KIF21A: variants seen among roughly 807,000 people sequenced by gnomAD.
KIF21A encodes the protein kinesin-like protein KIF21A.
In KIF21A, 114 loss-of-function variants were observed where a neutral mutation model predicts 202.9. That is an observed-to-expected ratio of 0.56 (90% CI 0.48 to 0.66). KIF21A has a LOEUF of 0.66. Among genes scored for constraint, KIF21A ranks in the 30% least tolerant of loss-of-function variants. KIF21A has a pLI of 0.00. For missense variants in KIF21A, 1,677 were observed against 1,994.9 expected, an observed-to-expected ratio of 0.84 and a Z score of 3.04; for synonymous variants, 667 against 670.8, an observed-to-expected ratio of 0.99 and a Z score of 0.09.
intron 1 of KIF21A, among the ~76,000 whole-genome samples, chr12:39,424,255 A>G (rs1954573064): frequency 1.3e-5 from 2 of 152,118 alleles, no homozygotes; most frequent in Non-Finnish European, 2.9e-5. Flanking sequence ...AACTTTTAGG[A>G]CAACATACTC....
intron 33 of KIF21A, 40 bp downstream of exon 33, chr12:39,309,546 G>T: frequency 1.4e-6 from 2 of 1,380,764 alleles, no homozygotes; most frequent in Non-Finnish European, 1.0e-6. Context: ...AAAAAGAAGA[G>T]CTATTCCTCC....
At chr12:39,378,382 AG>A (rs1353066026) in intron 1 of KIF21A, among the ~76,000 whole-genome samples, 5 of 152,216 alleles carry the variant, frequency 3.3e-5, no homozygotes, top group African/African-American at 1.2e-4. Flanking sequence ...GACAAAATAA[AG>A]AAAAAAAATA....
rs202186899 is a variant in KIF21A at position 39,360,209 on chromosome 12, TA to T, written c.1020-1837del. ...AAACTCAAAGAAAATAAAATAAAGC[TA>T]AAAAAAAGCTATTTATTTTAAAAGT... On this transcript the variant is annotated intron_variant, in intron 7 of 37. Coordinates refer to ENST00000361418, the MANE Select transcript of KIF21A (RefSeq NM_001173464.2). Among the ~76,000 whole-genome samples, 951 of 151,620 alleles carry T rather than the reference TA, an allele frequency of 6.3e-3. 12 individuals are homozygous for T. Among genetic ancestry groups the T allele is most frequent in the African/African-American group, 0.021 (864 of 41,358 alleles).
At chr12:39,318,248 A>T (rs1469106035) in intron 28 of KIF21A, 47 bp from the exon 29 acceptor site, 1 of 1,584,786 alleles carries the variant, frequency 6.3e-7, no homozygotes, top group Non-Finnish European at 8.7e-7. Context: ...ATTGGTTATG[A>T]TTTGTTAGAA....
chr12:39,338,220 GT>G, intron 16 of KIF21A, among the ~76,000 whole-genome samples: 1 of 151,996 alleles, frequency 6.6e-6, no homozygotes. Flanking sequence ...GCATGTTTGT[GT>G]TTTAGTTTTA....
chr12:39,414,188 A>G (rs1953345882), intron 1 of KIF21A, among the ~76,000 whole-genome samples: 1 of 152,210 alleles, frequency 6.6e-6, no homozygotes, highest in African/African-American at 2.4e-5. Context: ...AATTAGGCAT[A>G]ATTATTCTTG....
intron 2 of KIF21A, 64 bp from the exon 3 acceptor site, chr12:39,369,975 A>G (rs1949845661): frequency 1.9e-6 from 3 of 1,591,894 alleles, no homozygotes; most frequent in Non-Finnish European, 2.6e-6. Context: ...AACAAAAATG[A>G]AAGCGCAACT....
At chr12:39,369,958 C>T (rs938549461) in intron 2 of KIF21A, 47 bp from the exon 3 acceptor site, 1 of 1,597,682 alleles carries the variant, frequency 6.3e-7, no homozygotes, top group African/African-American at 1.3e-5. Flanking sequence ...TTAACATAAC[C>T]TTAAGAAACA....
rs903272628 is a variant in KIF21A, at chr12:39,396,880, G to C, written c.45-26619C>G. ...TCCAACACTGCTCTGCAATAAAAAG[G>C]AATAAACTACTGACACATGCCACAA... On this transcript the variant is annotated intron_variant, in intron 1 of 37. Coordinates refer to ENST00000361418, the MANE Select transcript of KIF21A (RefSeq NM_001173464.2). 2.0e-5 allele frequency among the ~76,000 whole-genome samples: 3 copies of C among 152,110 alleles called. No individual in the cohort carries two copies. The East Asian group carries it at 5.8e-4, about 29-fold the overall frequency.
chr12:39,297,421 C>G (rs943878079), intron 37 of KIF21A, among the ~76,000 whole-genome samples: 4 of 152,138 alleles, frequency 2.6e-5, no homozygotes, highest in African/African-American at 7.2e-5. Flanking sequence ...AAAATGATGA[C>G]TTCATGTCCT....
chr12:39,299,791 G>A (rs1045561599), intron 37 of KIF21A, among the ~76,000 whole-genome samples: 1 of 152,160 alleles, frequency 6.6e-6, no homozygotes, highest in Non-Finnish European at 1.5e-5. Context: ...ATGAGATCAT[G>A]TATTTTGTGG....
intron 14 of KIF21A, 49 bp from the exon 15 acceptor site, chr12:39,341,143 C>G: frequency 7.4e-7 from 1 of 1,351,512 alleles, no homozygotes; most frequent in Non-Finnish European, 1.0e-6. Flanking sequence ...GCCAAAATAT[C>G]AGAATTCTAG....
chr12:39,370,343 G>T, intron 1 of KIF21A, 82 bp from the exon 2 acceptor site: 1 of 1,013,722 alleles, frequency 9.9e-7, no homozygotes, highest in Non-Finnish European at 1.5e-6. Context: ...AAAAACTCTT[G>T]GCCAAATCTT....
chr12:39,320,145 A>C lies in KIF21A; in HGVS notation c.3672-132T>G, dbSNP rs1592124381. ...AAAGATTATTACTTGAGAACAAAAA[A>C]TAAAACTAACATAGGAAAATACTAC... On this transcript the variant is annotated intron_variant, in intron 27 of 37. Transcript: ENST00000361418. The C allele has an allele frequency of 1.8e-5, 11 of 616,544 alleles. No homozygotes were observed. The East Asian group carries it at 3.1e-4, about 17-fold the overall frequency. The allele number at this position is 616,544 out of a possible 1,614,324, so 38.2% of individuals were successfully genotyped here.
intron 12 of KIF21A, among the ~76,000 whole-genome samples, chr12:39,345,751 G>A (rs1462897193): frequency 6.6e-6 from 1 of 151,712 alleles, no homozygotes; most frequent in Non-Finnish European, 1.5e-5. Flanking sequence ...CTGATAAGAA[G>A]GAAAATACCA....
Position 39,366,490 on chromosome 12 carries a change from A to C in KIF21A, c.763T>G (p.Ser255Ala), listed in dbSNP as rs1949612887. 1 of 1,611,022 alleles carries C rather than the reference A, an allele frequency of 6.2e-7. No individual in the cohort carries two copies. The highest frequency in any genetic ancestry group is 1.7e-5 in the Admixed American group (1 of 59,920). The part of the protein sequence containing the change: ...ADNATDNKII[S>A]ESAQMNEFET... ...AATTCATTCATCTGTGCTGATTCAG[A>C]AATAATTTTATTATCAGTTGCATTG... The change falls in exon 6 of 38, where the codon TCT becomes GCT. Residue 255 changes from serine (S) to alanine (A), a missense_variant. Coordinates refer to ENST00000361418, the MANE Select transcript of KIF21A (RefSeq NM_001173464.2).
chr12:39,348,832 T>C (rs1367828149), intron 11 of KIF21A, among the ~76,000 whole-genome samples: 1 of 152,094 alleles, frequency 6.6e-6, no homozygotes, highest in Non-Finnish European at 1.5e-5. Context: ...TTCTACTCTT[T>C]TTTTCATTAG....
intron 10 of KIF21A, among the ~76,000 whole-genome samples, chr12:39,354,301 T>C (rs1367315253): frequency 6.6e-6 from 1 of 152,176 alleles, no homozygotes; most frequent in Non-Finnish European, 1.5e-5. Flanking sequence ...AAAATGTTCA[T>C]AATATATTAC....
chr12:39,301,291 G>GT (rs1428815150), intron 37 of KIF21A, among the ~76,000 whole-genome samples, 189 bp downstream of exon 37: 1 of 152,154 alleles, frequency 6.6e-6, no homozygotes, highest in African/African-American at 2.4e-5. Context: ...GTATTGTCAT[G>GT]TAACCTGGGG....
Sources: allele counts gnomAD v4.1 joint callset (sites outside exome capture counted in the v4.1 genomes callset), GRCh38; gene constraint gnomAD v4.1.1; transcripts MANE v1.5; gene names NCBI Gene and HGNC (gene_info 2026-07-23, HGNC 2026-07-21).